The following TSGA10 variants were observed in gnomAD, a reference collection of about 807,000 sequenced individuals.
TSGA10 encodes testis-specific gene 10 protein.
Under a neutral mutation model 96.6 loss-of-function variants are expected in TSGA10, and 43 were observed. The ratio of observed to expected loss-of-function variants is 0.44; its 90% confidence interval spans 0.35 to 0.57. TSGA10 has a LOEUF of 0.57. Among genes scored for constraint, TSGA10 ranks in the 20% least tolerant of loss-of-function variants. TSGA10 has a pLI of 0.01. For missense variants in TSGA10, 703 were observed against 834.4 expected (o/e 0.84, Z 1.94); for synonymous variants, 229 against 269.9 (o/e 0.85, Z 1.48).
Position 99,066,115 on chromosome 2 carries a change from AAAT to A in TSGA10, c.1219-994_1219-992del, listed in dbSNP as rs2085238070. Among the ~76,000 whole-genome samples, 6 of 152,206 alleles carry A rather than the reference AAAT, an allele frequency of 3.9e-5. No individual in the cohort carries two copies. In the South Asian group the frequency reaches 1.2e-3, roughly 31 times the overall value. On this transcript the variant is annotated intron_variant, in intron 15 of 20. Transcript: ENST00000393483. Reference sequence around the variant, plus strand: ...CTAAATAAAATGACCAAATTGCAATAAATAATGTCTAATACTCCTTTCAAATCA... The same window carrying A: ...CTAAATAAAATGACCAAATTGCAATAAATGTCTAATACTCCTTTCAAATCA...
intron 20 of TSGA10, among the ~76,000 whole-genome samples, chr2:99,002,035 G>A (rs561608859): frequency 1.5e-4 from 23 of 152,330 alleles, no homozygotes; most frequent in African/African-American, 2.6e-4. Context: ...GTGACGGGGA[G>A]AATGGAACCA....
Position 99,048,394 on chromosome 2 carries a change from T to C in TSGA10, c.1405-12955A>G, listed in dbSNP as rs778225797. ...ACATATATATATACACACACACCAA[T>C]GGAACAGAACAGAGGCCTCAGAAAT... On this transcript the variant is annotated intron_variant, in intron 16 of 20. Transcript: ENST00000393483. 9.9e-5 allele frequency among the ~76,000 whole-genome samples: 15 copies of C among 151,926 alleles called. 1 individual carries two copies. The Middle Eastern group carries it at 0.014, about 138-fold the overall frequency.
intron 16 of TSGA10, among the ~76,000 whole-genome samples, chr2:99,047,291 A>T (rs6419566): frequency 0.35 from 53,329 of 152,078 alleles, 10,688 homozygotes; most frequent in African/African-American, 0.55. Flanking sequence ...TTTTAGACCA[A>T]TATCCCTGAT....
intron 16 of TSGA10, among the ~76,000 whole-genome samples, chr2:99,045,875 G>A (rs892481369): frequency 2.0e-5 from 3 of 152,054 alleles, no homozygotes; most frequent in South Asian, 2.1e-4. Flanking sequence ...CAAAATAAAC[G>A]GACGGAGGAG....
intron 16 of TSGA10, among the ~76,000 whole-genome samples, chr2:99,063,815 A>G (rs1316808616): frequency 1.3e-5 from 2 of 152,058 alleles, no homozygotes; most frequent in Non-Finnish European, 2.9e-5. Flanking sequence ...AAAAAAATAT[A>G]TATATATGAA....
intron 16 of TSGA10, among the ~76,000 whole-genome samples, chr2:99,063,620 T>C (rs889157055): frequency 2.6e-5 from 4 of 151,734 alleles, no homozygotes; most frequent in Non-Finnish European, 5.9e-5. Flanking sequence ...CTGGCCAACA[T>C]GGTGAAACCC....
At position 99,075,780 on chromosome 2, in the gene TSGA10, G is replaced by A. The variant is rs72957175; in HGVS notation, c.883-2707C>T. 6.3e-3 allele frequency among the ~76,000 whole-genome samples: 964 copies of A among 152,142 alleles called. 16 individuals carry two copies. The highest frequency in any genetic ancestry group is 0.022 in the African/African-American group (925 of 41,502). On this transcript the variant is annotated intron_variant, in intron 12 of 20. Coordinates refer to ENST00000393483, the MANE Select transcript of TSGA10 (RefSeq NM_025244.4). Reference sequence around the variant, plus strand: ...AGGAAATATAACATTGTTACGGTTCGCAGAATGGAAGAAATGTGAAATATT... The same window carrying A: ...AGGAAATATAACATTGTTACGGTTCACAGAATGGAAGAAATGTGAAATATT...
intron 12 of TSGA10, among the ~76,000 whole-genome samples, chr2:99,073,827 T>C (rs761654272): frequency 2.6e-5 from 4 of 152,140 alleles, no homozygotes; most frequent in East Asian, 1.9e-4. Context: ...AGTCCAACTA[T>C]AAACAGATAC....
rs2091744604 is a variant in TSGA10, at chr2:99,110,882, C to T, written c.-106G>A. 2 of 750,670 alleles carry T rather than the reference C, an allele frequency of 2.7e-6. No homozygotes were observed. Among genetic ancestry groups the T allele is most frequent in the Admixed American group, 6.4e-5 (1 of 15,614 alleles). 46.5% of individuals were successfully genotyped at this position (750,670 alleles called of 1,614,324 possible). ...AGCCTTTTTATTGTATCTTCCAATA[C>T]TATAATATTATTTTGCTGGCAAATG... On this transcript the variant is annotated 5_prime_UTR_variant, in exon 5 of 21. Transcript: ENST00000393483.
At chr2:99,113,106 G>A (rs2091956788) in intron 4 of TSGA10, among the ~76,000 whole-genome samples, 2 of 151,984 alleles carry the variant, frequency 1.3e-5, no homozygotes, top group South Asian at 4.2e-4. Flanking sequence ...GAAATGCCAT[G>A]TTAACACATG....
chr2:99,037,068 T>C (rs1217412762), intron 16 of TSGA10, among the ~76,000 whole-genome samples: 2 of 152,188 alleles, frequency 1.3e-5, no homozygotes, highest in South Asian at 2.1e-4. Context: ...GCAACACCCA[T>C]GTATCAGTAA....
In TSGA10 at chr2:99,035,458, A is replaced by AT. The variant is rs2081532444; in HGVS notation, c.1405-20dup. 1.3e-6 allele frequency: 2 copies of AT among 1,533,452 alleles called. No individual in the cohort carries two copies. Among genetic ancestry groups the AT allele is most frequent in the Non-Finnish European group, 8.9e-7 (1 of 1,118,622 alleles). 95.0% of individuals were successfully genotyped at this position (1,533,452 alleles called of 1,614,324 possible). ...TTAAGTGCTGTAAGAATAAAATTAT[A>AT]TATATGTATGTATACATATATATTA... On this transcript the variant is annotated intron_variant, in intron 16 of 20. Coordinates refer to ENST00000393483, the MANE Select transcript of TSGA10 (RefSeq NM_025244.4).
At chr2:99,112,060 T>G (rs2091867387) in intron 4 of TSGA10, among the ~76,000 whole-genome samples, 1 of 152,282 alleles carries the variant, frequency 6.6e-6, no homozygotes, top group Admixed American at 6.5e-5. Flanking sequence ...TAAATATGCA[T>G]TAATTTTACA....
chr2:99,144,133 G>A (rs987910065), intron 1 of TSGA10, among the ~76,000 whole-genome samples: 10 of 152,112 alleles, frequency 6.6e-5, no homozygotes, highest in Admixed American at 5.2e-4. Context: ...CCATTCTCCT[G>A]CCTCAGCCTC....
At chr2:99,001,435 A>T (rs1464058698) in intron 20 of TSGA10, among the ~76,000 whole-genome samples, 1 of 152,222 alleles carries the variant, frequency 6.6e-6, no homozygotes, top group Non-Finnish European at 1.5e-5. Context: ...GAATAGCATC[A>T]ACATCAACAA....
At chr2:99,086,155 T>A (rs1340573433) in intron 10 of TSGA10, among the ~76,000 whole-genome samples, 1 of 152,128 alleles carries the variant, frequency 6.6e-6, no homozygotes, top group African/African-American at 2.4e-5. Context: ...CCTATACATG[T>A]ACCCCTCAAC....
chr2:99,077,127 CTTTTTTTTTTTT>C (rs35876721), intron 12 of TSGA10, among the ~76,000 whole-genome samples: 1,095 of 70,488 alleles, frequency 0.016, 27 homozygotes, highest in African/African-American at 0.058. Context: ...GACCATTCAC[CTTTTTTTTTTTT>C]TTTTTTTTTT....
chr2:99,015,844 C>CACA, intron 20 of TSGA10, among the ~76,000 whole-genome samples: 1 of 152,098 alleles, frequency 6.6e-6, no homozygotes, highest in Non-Finnish European at 1.5e-5. Flanking sequence ...TGCTATACAC[C>CACA]AACAGCAATC....
chr2:99,139,966 C>A (rs1203279824), intron 1 of TSGA10, among the ~76,000 whole-genome samples: 1 of 152,016 alleles, frequency 6.6e-6, no homozygotes, highest in African/African-American at 2.4e-5. Context: ...ACTTCAAAAC[C>A]AAATCGTCCT....
Sources: gnomAD v4.1 joint callset for allele counts (sites outside exome capture counted in the v4.1 genomes callset) on GRCh38, gnomAD v4.1.1 for gene constraint, MANE v1.5 for transcripts, NCBI Gene and HGNC (gene_info 2026-07-23, HGNC 2026-07-21) for gene names.